The following HSD17B4 variants were observed in gnomAD, a reference collection of about 807,000 sequenced individuals.
The protein encoded by HSD17B4 is peroxisomal multifunctional enzyme type 2.
In HSD17B4, 70 loss-of-function variants were observed where a neutral mutation model predicts 101.0. That is an observed-to-expected ratio of 0.69 (90% CI 0.57 to 0.85). HSD17B4 has a LOEUF of 0.85. Ranked by LOEUF, HSD17B4 falls within the 40% of genes least tolerant of loss-of-function variation. The pLI is 0.00. For missense variants in HSD17B4, 984 were observed against 892.4 expected, an observed-to-expected ratio of 1.10 and a Z score of -1.31; for synonymous variants, 347 against 297.1, an observed-to-expected ratio of 1.17 and a Z score of -1.73.
At chr5:119,455,568 C>CTATATATATA (rs1554059875) in intron 1 of HSD17B4, among the ~76,000 whole-genome samples, 12 of 136,486 alleles carry the variant, frequency 8.8e-5, no homozygotes, top group African/African-American at 1.1e-4. Context: ...CTCTCTCTCT[C>CTATATATATA]TATATATATA....
intron 8 of HSD17B4, among the ~76,000 whole-genome samples, chr5:119,482,781 G>A (rs1324144618): frequency 6.6e-6 from 1 of 151,976 alleles, no homozygotes; most frequent in Non-Finnish European, 1.5e-5. Flanking sequence ...CTGGAGCCCT[G>A]TTGATGGAGT....
chr5:119,505,905 G>C (rs1751602288), intron 14 of HSD17B4, among the ~76,000 whole-genome samples: 1 of 151,936 alleles, frequency 6.6e-6, no homozygotes, highest in Admixed American at 6.6e-5. Context: ...CATTGCCAAT[G>C]GTTATTTAAA....
At chr5:119,531,816 A>G (rs1006072300) in intron 22 of HSD17B4, among the ~76,000 whole-genome samples, 2 of 152,128 alleles carry the variant, frequency 1.3e-5, no homozygotes, top group Non-Finnish European at 2.9e-5. Context: ...TATTCATACC[A>G]AAACAATAAT....
chr5:119,533,711 C>G (rs1368060179), intron 22 of HSD17B4, among the ~76,000 whole-genome samples: 1 of 151,972 alleles, frequency 6.6e-6, no homozygotes, highest in Non-Finnish European at 1.5e-5. Context: ...AACTTCATAG[C>G]TAGAGGCAGA....
intron 21 of HSD17B4, among the ~76,000 whole-genome samples, chr5:119,530,541 T>G (rs1753976054): frequency 6.8e-6 from 1 of 147,606 alleles, no homozygotes; most frequent in South Asian, 2.1e-4. Flanking sequence ...TAAAATCCCT[T>G]AAGAATAGTC....
intron 16 of HSD17B4, among the ~76,000 whole-genome samples, chr5:119,510,388 C>A (rs781572061): frequency 2.5e-4 from 38 of 152,232 alleles, no homozygotes; most frequent in Non-Finnish European, 3.7e-4. Context: ...ATTCTAGAAA[C>A]ATATTTTTCC....
chr5:119,516,219 T>A (rs116487743), intron 17 of HSD17B4, among the ~76,000 whole-genome samples: 2 of 152,198 alleles, frequency 1.3e-5, no homozygotes, highest in African/African-American at 4.8e-5. Context: ...CTGTTTCTTA[T>A]GAATTTCTTA....
intron 23 of HSD17B4, among the ~76,000 whole-genome samples, chr5:119,540,314 G>C (rs1436857784): frequency 6.6e-6 from 1 of 151,676 alleles, no homozygotes; most frequent in Non-Finnish European, 1.5e-5. Flanking sequence ...GTCCCTGAGA[G>C]AGTTTGCTGT....
At chr5:119,479,270 TTTTTG>T (rs1748892194) in intron 8 of HSD17B4, among the ~76,000 whole-genome samples, 1 of 152,204 alleles carries the variant, frequency 6.6e-6, no homozygotes, top group Non-Finnish European at 1.5e-5. Context: ...CATAATTTTT[TTTTTG>T]TTTTACACAA....
Position 119,542,181 on chromosome 5 carries a change from A to C in HSD17B4, c.*187A>C. ...TCATGTATCATTATTTTTACAAGGA[A>C]CTATATATAAGCTAGCACATAATTA... On this transcript the variant is annotated 3_prime_UTR_variant, in exon 24 of 24. Coordinates refer to ENST00000510025, the MANE Select transcript of HSD17B4 (RefSeq NM_000414.4). The C allele has an allele frequency of 1.8e-6, 1 of 567,128 alleles. No homozygotes were observed. Among genetic ancestry groups the C allele is most frequent in the Non-Finnish European group, 3.2e-6 (1 of 313,630 alleles). 35.1% of individuals were successfully genotyped at this position (567,128 alleles called of 1,614,324 possible).
At chr5:119,525,779 C>A in intron 18 of HSD17B4, 138 bp from the exon 19 acceptor site, 10 of 539,866 alleles carry the variant, frequency 1.9e-5, no homozygotes, top group South Asian at 2.4e-5. Context: ...TAAAAAATAT[C>A]TACTGTGTTT....
intron 2 of HSD17B4, among the ~76,000 whole-genome samples, chr5:119,470,496 G>A (rs902114007): frequency 1.3e-5 from 2 of 152,178 alleles, no homozygotes; most frequent in African/African-American, 4.8e-5. Flanking sequence ...CTCCAGGCAG[G>A]TTCCTATACT....
intron 8 of HSD17B4, among the ~76,000 whole-genome samples, chr5:119,484,783 C>T (rs1247646567): frequency 6.6e-6 from 1 of 152,104 alleles, no homozygotes; most frequent in East Asian, 1.9e-4. Context: ...AGAGCTGTGT[C>T]TAACCAATTT....
In HSD17B4 at chr5:119,531,272, A is replaced by C; in HGVS notation, c.1861A>C (p.Lys621Gln). The change falls in exon 22 of 24, where the codon AAG becomes CAG. Residue 621 changes from lysine (K) to glutamine (Q), a missense_variant. Coordinates refer to ENST00000510025, the MANE Select transcript of HSD17B4 (RefSeq NM_000414.4). ...ATTTTGTTGTCGTTGTTAGGGCGGGAAGCTTCAGAGTACCTTTGTATTTGA... is the reference window on the plus strand; with the variant it reads ...ATTTTGTTGTCGTTGTTAGGGCGGGCAGCTTCAGAGTACCTTTGTATTTGA... ...TSAKTPSEGG[K>Q]LQSTFVFEEI... 1 of 1,613,506 alleles carries C rather than the reference A, an allele frequency of 6.2e-7. No homozygotes were observed. The highest frequency in any genetic ancestry group is 8.5e-7 in the Non-Finnish European group (1 of 1,179,676).
chr5:119,460,837 C>CT (rs1755157029), intron 2 of HSD17B4, among the ~76,000 whole-genome samples: 8 of 152,022 alleles, frequency 5.3e-5, no homozygotes, highest in Non-Finnish European at 1.2e-4. Context: ...ACAGAAAATG[C>CT]TTTAAGGAGA....
intron 23 of HSD17B4, among the ~76,000 whole-genome samples, chr5:119,540,990 G>A (rs993017600): frequency 2.6e-5 from 4 of 152,170 alleles, no homozygotes; most frequent in African/African-American, 7.2e-5. Flanking sequence ...AATGCTCAGT[G>A]TATGTAGGTA....
intron 20 of HSD17B4, 32 bp downstream of exon 20, chr5:119,527,251 T>C: frequency 8.5e-7 from 1 of 1,176,362 alleles, no homozygotes; most frequent in Middle Eastern, 2.0e-4. Flanking sequence ...CCTTCTCACA[T>C]GCTTTATCAT....
chr5:119,466,528 G>T (rs1755827062), intron 2 of HSD17B4, among the ~76,000 whole-genome samples: 1 of 152,084 alleles, frequency 6.6e-6, no homozygotes, highest in Non-Finnish European at 1.5e-5. Context: ...CTTCTGAGTT[G>T]AATCTTGGTA....
chr5:119,479,312 A>G (rs1748897491), intron 8 of HSD17B4, among the ~76,000 whole-genome samples: 1 of 152,052 alleles, frequency 6.6e-6, no homozygotes, highest in Admixed American at 6.6e-5. Context: ...CTGTTTCATA[A>G]TAATTATTGT....
Sources: gnomAD v4.1 joint callset for allele counts (sites outside exome capture counted in the v4.1 genomes callset) on GRCh38, gnomAD v4.1.1 for gene constraint, MANE v1.5 for transcripts, NCBI Gene and HGNC (gene_info 2026-07-23, HGNC 2026-07-21) for gene names.